ZBED4: variants seen among roughly 807,000 people sequenced by gnomAD.
ZBED4 encodes the protein zinc finger BED-type containing 4, also known as zinc finger BED domain-containing protein 4.
ZBED4 carries 4 observed loss-of-function variants against 15.5 expected under a neutral mutation model. The observed-to-expected ratio is 0.26, with a 90% CI of 0.13 to 0.59. ZBED4 has a LOEUF of 0.59. Among genes scored for constraint, ZBED4 ranks in the 20% least tolerant of loss-of-function variants. ZBED4 has a pLI of 0.90. For missense variants in ZBED4, 1,323 were observed against 1,461.8 expected (o/e 0.91, Z 1.55); for synonymous variants, 692 against 608.5 (o/e 1.14, Z -2.02).
rs202191291 is a variant in ZBED4 at position 49,885,299 on chromosome 22, C to G, written c.1637C>G (p.Thr546Arg). Residue 546 changes from threonine to arginine, a missense_variant, in exon 2 of 2, where the codon ACA (threonine) becomes AGA (arginine). Thr to Arg is a moderately conservative substitution (Grantham distance 71). Transcript: ENST00000216268. ...SKLTDLPTVV[T>R]KNNQVMFPVN... is the part of the protein sequence containing the mutation. ...TTGACTGACTTGCCAACAGTGGTCACAAAAAACAATCAAGTTATGTTTCCT... is the reference window on the plus strand; with the variant it reads ...TTGACTGACTTGCCAACAGTGGTCAGAAAAAACAATCAAGTTATGTTTCCT... The G allele has an allele frequency of 4.4e-6, 7 of 1,589,276 alleles. No homozygotes were observed. Among genetic ancestry groups the G allele is most frequent in the Non-Finnish European group, 6.0e-6 (7 of 1,167,076 alleles).
Position 49,887,450 on chromosome 22 carries a change from GTTT to G in ZBED4, c.*276_*278del. On this transcript the variant is annotated 3_prime_UTR_variant, in exon 2 of 2. Coordinates refer to ENST00000216268, the MANE Select transcript of ZBED4 (RefSeq NM_014838.3). ...CTAGATTTTAATTCATAACCGTAAA[GTTT>G]TTTAAAGTTTTGGGTTAGTAATTTG... 1 of 318,342 alleles carries G rather than the reference GTTT, an allele frequency of 3.1e-6. No homozygotes were observed. Among genetic ancestry groups the G allele is most frequent in the Non-Finnish European group, 6.1e-6 (1 of 163,766 alleles). 19.7% of individuals were successfully genotyped at this position (318,342 alleles called of 1,614,324 possible).
At position 49,886,071 on chromosome 22, in the gene ZBED4, G is replaced by A; in HGVS notation, c.2409G>A (p.Val803=). The change falls in exon 2 of 2, where the codon GTG becomes GTA. Residue 803 remains valine, a synonymous_variant. Coordinates refer to ENST00000216268, the MANE Select transcript of ZBED4 (RefSeq NM_014838.3). This position sits in a 1 kb window ranked among gnomAD's most constrained non-coding sequence, Gnocchi z 7.7. ...EAWVTSTGLQ[V]GITVTDNASI... Reference sequence around the variant, plus strand: ...GGGTGACCTCCACCGGCCTTCAGGTGGGCATCACCGTCACCGACAACGCCA... The same window carrying A: ...GGGTGACCTCCACCGGCCTTCAGGTAGGCATCACCGTCACCGACAACGCCA... The A allele has an allele frequency of 2.9e-6, 2 of 680,818 alleles. No individual in the cohort carries two copies. The highest frequency in any genetic ancestry group is 2.7e-6 in the Non-Finnish European group (1 of 370,216). 42.2% of individuals were successfully genotyped at this position (680,818 alleles called of 1,614,324 possible).
chr22:49,880,610 C>T (rs1041970713), intron 1 of ZBED4, among the ~76,000 whole-genome samples: 3 of 152,250 alleles, frequency 2.0e-5, no homozygotes, highest in African/African-American at 7.2e-5. Context: ...TATGAGTTGT[C>T]TGAGGTCAAC....
At chr22:49,864,281 A>C (rs1004919816) in intron 1 of ZBED4, among the ~76,000 whole-genome samples, 3 of 152,244 alleles carry the variant, frequency 2.0e-5, no homozygotes, top group Admixed American at 6.5e-5. Context: ...AATATCGCAT[A>C]ATGTCTCATC....
intron 1 of ZBED4, among the ~76,000 whole-genome samples, chr22:49,875,108 A>C (rs2060369231): frequency 6.6e-6 from 1 of 152,046 alleles, no homozygotes; most frequent in Admixed American, 6.5e-5. Flanking sequence ...TTCTGTGCTC[A>C]TAGGGTATCA....
At chr22:49,881,956 A>G (rs2060411841) in intron 1 of ZBED4, among the ~76,000 whole-genome samples, 1 of 152,170 alleles carries the variant, frequency 6.6e-6, no homozygotes, top group Non-Finnish European at 1.5e-5. Context: ...ACCTTGGAAC[A>G]CTTTTTAGGG....
At chr22:49,865,985 C>T (rs533502125) in intron 1 of ZBED4, among the ~76,000 whole-genome samples, 6 of 151,898 alleles carry the variant, frequency 4.0e-5, no homozygotes, top group Middle Eastern at 3.4e-3. Context: ...GCTGATTATA[C>T]GCGTGGGCCA....
At chr22:49,868,049 C>T (rs1439474833) in intron 1 of ZBED4, among the ~76,000 whole-genome samples, 1 of 152,154 alleles carries the variant, frequency 6.6e-6, no homozygotes, top group East Asian at 1.9e-4. Context: ...GCTTTCACAC[C>T]ATCGTAAAGT....
intron 1 of ZBED4, among the ~76,000 whole-genome samples, chr22:49,867,803 C>T (rs891248398): frequency 5.9e-5 from 9 of 152,208 alleles, no homozygotes; most frequent in African/African-American, 1.9e-4. Context: ...AAAATATCTT[C>T]AGTGGAAAAT....
chr22:49,886,365 G>A lies in ZBED4; in HGVS notation c.2703G>A (p.Arg901=), dbSNP rs1406646931. 1.2e-6 allele frequency: 2 copies of A among 1,610,690 alleles called. No individual in the cohort carries two copies. Among genetic ancestry groups the A allele is most frequent in the Non-Finnish European group, 1.7e-6 (2 of 1,177,766 alleles). Residue 901 remains arginine (R), a synonymous_variant, in exon 2 of 2, where the codon CGG becomes CGA. Coordinates refer to ENST00000216268, the MANE Select transcript of ZBED4 (RefSeq NM_014838.3). The surrounding 1 kb of genome is among the most constrained non-coding windows in gnomAD (Gnocchi z 7.7). The stretch of plus-strand genomic sequence containing the variant: ...GCACTTCCTTCCACATGCTCGAGCG[G>A]CTCATTGAGCAGAAAAGGGCCATTA... ...KWSTSFHMLE[R]LIEQKRAINE...
intron 1 of ZBED4, among the ~76,000 whole-genome samples, chr22:49,880,904 AGT>A (rs1301739105): frequency 1.3e-5 from 2 of 152,206 alleles, no homozygotes; most frequent in East Asian, 3.8e-4. Flanking sequence ...TAATTTCAGC[AGT>A]GTTTTGCAGC....
Position 49,888,227 on chromosome 22 carries a change from G to A in ZBED4, c.*1049G>A, listed in dbSNP as rs2060450345. 1 of 167,040 alleles carries A rather than the reference G, an allele frequency of 6.0e-6. No homozygotes were observed. Among genetic ancestry groups the A allele is most frequent in the East Asian group, 1.9e-4 (1 of 5,348 alleles). 10.3% of individuals were successfully genotyped at this position (167,040 alleles called of 1,614,324 possible). A position where few individuals can be genotyped will look rare whatever the true frequency, so the allele number is the denominator to read the frequency against. On this transcript the variant is annotated 3_prime_UTR_variant, in exon 2 of 2. Coordinates refer to ENST00000216268, the MANE Select transcript of ZBED4 (RefSeq NM_014838.3). ...TGTCAGTTGTCAGATGATTTTAAAA[G>A]TTATGTCTTCAGAGAAAAAAAGATT...
chr22:49,877,262 T>TTTAA (rs1355197540), intron 1 of ZBED4, among the ~76,000 whole-genome samples: 1 of 1,294 alleles, frequency 7.7e-4, no homozygotes, highest in African/African-American at 2.2e-3. Flanking sequence ...AGCTTTATTA[T>TTTAA]TTATTTATTT....
intron 1 of ZBED4, among the ~76,000 whole-genome samples, chr22:49,874,023 C>T (rs1361127023): frequency 6.6e-6 from 1 of 152,246 alleles, no homozygotes; most frequent in Non-Finnish European, 1.5e-5. Context: ...CCTCTCTGAA[C>T]TCTCTTACTC....
chr22:49,855,339 G>A (rs1482959005), intron 1 of ZBED4, among the ~76,000 whole-genome samples: 1 of 152,012 alleles, frequency 6.6e-6, no homozygotes, highest in African/African-American at 2.4e-5. Context: ...TGGTTACAGG[G>A]TCTCCCCCAA....
chr22:49,863,097 C>T (rs147128138), intron 1 of ZBED4, among the ~76,000 whole-genome samples: 10 of 152,288 alleles, frequency 6.6e-5, no homozygotes, highest in African/African-American at 1.2e-4. Context: ...GTGCATCTCA[C>T]GGTCTAGATT....
Position 49,884,315 on chromosome 22 carries a change from C to A in ZBED4, c.653C>A (p.Ser218Tyr). ...CAGAAAGTGGCGTCTAAGATCCCGTCCCCCGATCGAATAACAGAGGAGTCT... is the reference window on the plus strand; with the variant it reads ...CAGAAAGTGGCGTCTAAGATCCCGTACCCCGATCGAATAACAGAGGAGTCT... The part of the protein sequence containing the change: ...LVQKVASKIP[S>Y]PDRITEESVS... Residue 218 changes from serine (S) to tyrosine (Y), a missense_variant, in exon 2 of 2, where the codon TCC becomes TAC. By Grantham distance (144) the Ser-to-Tyr change is moderately radical. Coordinates refer to ENST00000216268, the MANE Select transcript of ZBED4 (RefSeq NM_014838.3). 6.2e-7 allele frequency: 1 copy of A among 1,613,772 alleles called. No individual in the cohort carries two copies. Among genetic ancestry groups the A allele is most frequent in the Non-Finnish European group, 8.5e-7 (1 of 1,179,776 alleles).
At chr22:49,878,122 T>C (rs2060387609) in intron 1 of ZBED4, among the ~76,000 whole-genome samples, 1 of 152,042 alleles carries the variant, frequency 6.6e-6, no homozygotes, top group Admixed American at 6.6e-5. Context: ...CTGGCCAACG[T>C]GGTGAAACAC....
At chr22:49,856,732 GGCCGGCTTCCC>G in intron 1 of ZBED4, among the ~76,000 whole-genome samples, 1 of 39,946 alleles carries the variant, frequency 2.5e-5, no homozygotes, top group Middle Eastern at 0.017. Context: ...CTGGAATCCC[GGCCGGCTTCCC>G]ACCTCTCGTT....
Sources: allele counts gnomAD v4.1 joint callset (sites outside exome capture counted in the v4.1 genomes callset), GRCh38; gene constraint gnomAD v4.1.1; non-coding constraint Gnocchi (gnomAD v3.1); transcripts MANE v1.5; gene names NCBI Gene and HGNC (gene_info 2026-07-23, HGNC 2026-07-21).